NT5DC1: variants seen among roughly 807,000 people sequenced by gnomAD.
The protein encoded by NT5DC1 is 5'-nucleotidase domain containing 1.
A neutral mutation model predicts 59.4 loss-of-function variants in NT5DC1; 42 were observed. The observed-to-expected ratio is 0.71, with a 90% CI of 0.55 to 0.92. NT5DC1 has a LOEUF of 0.92. NT5DC1 is among the 40% of genes least tolerant of loss of function. The pLI, the probability that NT5DC1 is intolerant of heterozygous loss-of-function variation, is 0.00. For synonymous variants in NT5DC1, 172 were observed against 188.1 expected (o/e 0.91, Z 0.70); for missense variants, 501 against 537.1 (o/e 0.93, Z 0.66).
At chr6:116,240,187 T>C (rs1226440531) in intron 11 of NT5DC1, among the ~76,000 whole-genome samples, 1 of 152,188 alleles carries the variant, frequency 6.6e-6, no homozygotes, top group East Asian at 1.9e-4. Flanking sequence ...TTTATGTGAA[T>C]TGTTTTTAGA....
intron 8 of NT5DC1, among the ~76,000 whole-genome samples, chr6:116,229,075 T>G (rs761817797): frequency 1.3e-5 from 2 of 152,186 alleles, no homozygotes; most frequent in Non-Finnish European, 2.9e-5. Context: ...TTGCAACAGC[T>G]CATTAAATCC....
At chr6:116,147,664 G>C (rs1052894324) in intron 6 of NT5DC1, among the ~76,000 whole-genome samples, 16 of 152,110 alleles carry the variant, frequency 1.1e-4, no homozygotes, top group African/African-American at 3.6e-4. Context: ...ATTGCAAATA[G>C]AAACTGTTAC....
chr6:116,111,139 T>C (rs1369126537), intron 4 of NT5DC1, among the ~76,000 whole-genome samples, 183 bp downstream of exon 4: 1 of 152,242 alleles, frequency 6.6e-6, no homozygotes, highest in African/African-American at 2.4e-5. Context: ...GTTTGGCAGA[T>C]GGTTCAAAAT....
At position 116,247,085 on chromosome 6, in the gene NT5DC1, A is replaced by C. The variant is rs1189055966; in HGVS notation, c.*3061A>C. 6.6e-6 allele frequency: 1 copy of C among 152,172 alleles called. No homozygotes were observed. The highest frequency in any genetic ancestry group is 1.5e-5 in the Non-Finnish European group (1 of 68,004). The allele number at this position is 152,172 out of a possible 1,614,324, so 9.4% of individuals were successfully genotyped here. On this transcript the variant is annotated 3_prime_UTR_variant, in exon 12 of 12. Transcript: ENST00000319550. ...TAGTAAGAGAGCAATACATGAACCCAAGTTTGATCCTCAAAATCACACTTT... is the reference window on the plus strand; with the variant it reads ...TAGTAAGAGAGCAATACATGAACCCCAGTTTGATCCTCAAAATCACACTTT...
intron 6 of NT5DC1, among the ~76,000 whole-genome samples, chr6:116,168,696 A>G (rs971452914): frequency 2.0e-5 from 3 of 150,708 alleles, no homozygotes; most frequent in Non-Finnish European, 3.0e-5. Flanking sequence ...GATACTAGCT[A>G]TTGTTTTTTT....
intron 6 of NT5DC1, among the ~76,000 whole-genome samples, chr6:116,157,114 G>A (rs1017662568): frequency 6.6e-6 from 1 of 152,164 alleles, no homozygotes; most frequent in Admixed American, 6.5e-5. Context: ...GATTATTTGG[G>A]TATGAGAATA....
chr6:116,181,739 TTG>T (rs1321575994), intron 6 of NT5DC1, among the ~76,000 whole-genome samples: 12 of 151,948 alleles, frequency 7.9e-5, no homozygotes, highest in African/African-American at 2.9e-4. Context: ...GTGCACAAGA[TTG>T]AGAGAAATAA....
At chr6:116,112,785 C>T (rs1778904611) in intron 4 of NT5DC1, among the ~76,000 whole-genome samples, 1 of 152,170 alleles carries the variant, frequency 6.6e-6, no homozygotes, top group South Asian at 2.1e-4. Context: ...AGTATACTTG[C>T]TCTAAAGATA....
Position 116,200,002 on chromosome 6 carries a change from G to GGC in NT5DC1, c.530-21051_530-21050insCG, listed in dbSNP as rs1554199755. Among the ~76,000 whole-genome samples, 17 of 101,286 alleles carry GGC rather than the reference G, an allele frequency of 1.7e-4. 1 individual carries two copies. The highest frequency in any genetic ancestry group is 5.5e-4 in the African/African-American group (17 of 30,748). 66.4% of individuals were successfully genotyped at this position (101,286 alleles called of 152,430 possible). On this transcript the variant is annotated intron_variant, in intron 6 of 11. Coordinates refer to ENST00000319550, the MANE Select transcript of NT5DC1 (RefSeq NM_152729.3). ...ACAAAGAGTACAGTATGGAAAGTGG[G>GGC]GGGGGAAGAGTAACTTTGCAGTGGG... is the stretch of plus-strand genomic sequence containing the variant.
chr6:116,234,000 C>T (rs1428733532), intron 8 of NT5DC1, among the ~76,000 whole-genome samples: 2 of 99,950 alleles, frequency 2.0e-5, no homozygotes, highest in Non-Finnish European at 3.7e-5. Flanking sequence ...TTTTTTGAGA[C>T]GGAATCTCAT....
chr6:116,108,339 T>C (rs765476143), intron 2 of NT5DC1, 25 bp from the exon 3 acceptor site: 2 of 1,466,462 alleles, frequency 1.4e-6, no homozygotes, highest in South Asian at 1.1e-5. Context: ...AGGAATTGAT[T>C]AATAATCAAA....
intron 6 of NT5DC1, among the ~76,000 whole-genome samples, chr6:116,188,642 T>G (rs113895661): frequency 6.6e-6 from 1 of 151,314 alleles, no homozygotes; most frequent in African/African-American, 2.4e-5. Flanking sequence ...ACCATAGATA[T>G]GAGGATAGCA....
intron 6 of NT5DC1, chr6:116,120,845 A>G: frequency 2.5e-6 from 4 of 1,613,892 alleles, no homozygotes; most frequent in Non-Finnish European, 3.4e-6. Flanking sequence ...TGCTGGGCCC[A>G]CAGGGCCTGG....
In NT5DC1 at chr6:116,161,264, T is replaced by G. The variant is rs1780323861; in HGVS notation, c.529+43319T>G. Among the ~76,000 whole-genome samples, 3 of 151,344 alleles carry G rather than the reference T, an allele frequency of 2.0e-5. No individual in the cohort carries two copies. In the South Asian group the frequency reaches 6.3e-4, roughly 32 times the overall value. On this transcript the variant is annotated intron_variant, in intron 6 of 11. Coordinates refer to ENST00000319550, the MANE Select transcript of NT5DC1 (RefSeq NM_152729.3). ...CTAGATGACGAGTTAGTGGGTACAGTGCACCAGCATGGCACATGTATACAT... is the reference window on the plus strand; with the variant it reads ...CTAGATGACGAGTTAGTGGGTACAGGGCACCAGCATGGCACATGTATACAT...
intron 6 of NT5DC1, among the ~76,000 whole-genome samples, chr6:116,168,765 A>G (rs1486163812): frequency 1.3e-5 from 2 of 152,088 alleles, no homozygotes; most frequent in African/African-American, 4.8e-5. Flanking sequence ...ACTTTTCTAC[A>G]GAGAAAAATG....
intron 11 of NT5DC1, among the ~76,000 whole-genome samples, chr6:116,239,603 G>A (rs1204817): frequency 0.32 from 49,345 of 152,090 alleles, 9,751 homozygotes; most frequent in African/African-American, 0.55. Flanking sequence ...GAATAAGGAT[G>A]AATTGAGAAG....
chr6:116,235,392 T>C (rs1396511622), intron 8 of NT5DC1, among the ~76,000 whole-genome samples: 1 of 152,212 alleles, frequency 6.6e-6, no homozygotes, highest in East Asian at 1.9e-4. Context: ...ATTCTTTCTT[T>C]AAAGAATAGT....
chr6:116,130,407 C>A (rs1779429984), intron 6 of NT5DC1, among the ~76,000 whole-genome samples: 1 of 152,100 alleles, frequency 6.6e-6, no homozygotes, highest in Admixed American at 6.6e-5. Flanking sequence ...AGCCTCTCCT[C>A]TACCAGTTGG....
intron 6 of NT5DC1, among the ~76,000 whole-genome samples, chr6:116,180,469 T>G (rs1318335907): frequency 2.6e-5 from 4 of 152,110 alleles, no homozygotes; most frequent in African/African-American, 9.7e-5. Flanking sequence ...CATTAATGAC[T>G]GCTAAAACTG....
Sources: allele counts gnomAD v4.1 joint callset (sites outside exome capture counted in the v4.1 genomes callset), GRCh38; gene constraint gnomAD v4.1.1; transcripts MANE v1.5; gene names NCBI Gene and HGNC (gene_info 2026-07-23, HGNC 2026-07-21).